GPX4: variants seen among roughly 807,000 people sequenced by gnomAD.
The protein encoded by GPX4 is phospholipid hydroperoxide glutathione peroxidase GPX4.
GPX4 carries 28 observed loss-of-function variants against 27.8 expected under a neutral mutation model. The observed-to-expected ratio is 1.01, with a 90% CI of 0.75 to 1.38. The LOEUF (loss-of-function observed/expected upper bound fraction) is 1.38. GPX4 is among the 40% of genes most tolerant of loss of function. GPX4 has a pLI of 0.00. For missense variants in GPX4, 357 were observed against 274.1 expected (o/e 1.30, Z -2.14); for synonymous variants, 163 against 107.8 (o/e 1.51, Z -3.17).
chr19:1,106,251 G>A lies in GPX4; in HGVS notation c.486G>A (p.Lys162=), dbSNP rs1249650926. The A allele has an allele frequency of 6.2e-7, 1 of 1,606,700 alleles. No individual in the cohort carries two copies. Among genetic ancestry groups the A allele is most frequent in the South Asian group, 1.1e-5 (1 of 90,796 alleles). The change falls in exon 5 of 7, where the codon AAG becomes AAA. Residue 162 remains lysine, a synonymous_variant. Transcript: ENST00000354171. The part of the protein sequence containing the change: ...KGKGILGNAI[K]WNFTKFLIDK... ...TGTGCTTCTTTTCCAGTGCCATCAA[G>A]TGGAACTTCACCAAGGTAAGGGGGC...
In GPX4 at chr19:1,105,437, T is replaced by TCGACCTGCACGCC. The variant is rs761699782; in HGVS notation, c.255_267dup (p.Tyr90ProfsTer?). On this transcript the variant is annotated frameshift_variant, in exon 3 of 7. Coordinates refer to ENST00000354171, the MANE Select transcript of GPX4 (RefSeq NM_002085.5). LOFTEE classifies it high-confidence loss of function. ...ACCGAAGTAAACTACACTCAGCTCG[T>TCGACCTGCACGCC]CGACCTGCACGCCCGATACGCTGAG... The TCGACCTGCACGCC allele has an allele frequency of 2.5e-6, 4 of 1,612,382 alleles. No individual in the cohort carries two copies.
rs745425210 is a variant in GPX4 at position 1,105,813 on chromosome 19, C to G, written c.476+4C>G. ...AGGGCAAGGGCATCCTGGGAAAGTG[C>G]GTGACCTCTGGGGACAGTACGGCTG... On this transcript the variant is annotated splice_donor_region_variant and intron_variant, in intron 4 of 6. Transcript: ENST00000354171. 2.1e-5 allele frequency: 23 copies of G among 1,098,648 alleles called. No individual in the cohort carries two copies. The African/African-American group carries it at 2.8e-4, about 13-fold the overall frequency. 68.1% of individuals were successfully genotyped at this position (1,098,648 alleles called of 1,614,324 possible).
Position 1,106,561 on chromosome 19 carries a change from CA to C in GPX4, c.584del (p.His195ProfsTer?). The C allele has an allele frequency of 6.2e-7, 1 of 1,613,452 alleles. No individual in the cohort carries two copies. The highest frequency in any genetic ancestry group is 8.5e-7 in the Non-Finnish European group (1 of 1,179,864). Reference sequence around the variant, plus strand: ...ACAGGTGATAGAGAAGGACCTGCCCCACTATTTCTAGCTCCACAAGTGTGTG... The same window carrying C: ...ACAGGTGATAGAGAAGGACCTGCCCCCTATTTCTAGCTCCACAAGTGTGTG... ...EPLVIEKDLPHYF is the reference protein window; with the variant it reads ...EPLVIEKDLPXYF On this transcript the variant is annotated frameshift_variant, in exon 7 of 7. Transcript: ENST00000354171. LOFTEE classifies it high-confidence loss of function.
chr19:1,104,118 C>T lies in GPX4; in HGVS notation c.75C>T (p.Ala25=), dbSNP rs1352097470. 2.0e-6 allele frequency: 3 copies of T among 1,495,694 alleles called. No individual in the cohort carries two copies. Among genetic ancestry groups the T allele is most frequent in the African/African-American group, 1.5e-5 (1 of 68,734 alleles). 92.7% of individuals were successfully genotyped at this position (1,495,694 alleles called of 1,614,324 possible). ...LCGALAAPGL[A]GTMCASRDDW... Reference sequence around the variant, plus strand: ...GGGCTCTGGCCGCGCCTGGCCTGGCCGGGACCATGGTGAGCTAGCGCCGCG... The same window carrying T: ...GGGCTCTGGCCGCGCCTGGCCTGGCTGGGACCATGGTGAGCTAGCGCCGCG... Residue 25 remains alanine, a synonymous_variant, in exon 1 of 7, where the codon GCC becomes GCT. Transcript: ENST00000354171.
intron 1 of GPX4, 57 bp from the exon 2 acceptor site, chr19:1,105,127 CAG>C: frequency 6.3e-7 from 1 of 1,590,832 alleles, no homozygotes; most frequent in Non-Finnish European, 8.6e-7. Context: ...CTTCCTGCCT[CAG>C]GGTCCCGGGC....
At chr19:1,105,533 C>T in intron 3 of GPX4, 23 bp downstream of exon 3, 1 of 1,610,814 alleles carries the variant, frequency 6.2e-7, no homozygotes, top group Non-Finnish European at 8.5e-7. Context: ...GTCCCCGGGG[C>T]CCGCAGAGGC....
chr19:1,106,168 C>T (rs778377555), intron 4 of GPX4, 74 bp from the exon 5 acceptor site: 7 of 1,409,952 alleles, frequency 5.0e-6, no homozygotes, highest in African/African-American at 1.4e-5. Context: ...CCCTTGTGGC[C>T]TCCTGGAGAC....
intron 6 of GPX4, 27 bp downstream of exon 6, chr19:1,106,486 G>T (rs373261191): frequency 1.9e-6 from 3 of 1,611,666 alleles, no homozygotes; most frequent in African/African-American, 1.3e-5. Context: ...GAGCCCGCTT[G>T]AGGCTCGGGG....
intron 6 of GPX4, 31 bp from the exon 7 acceptor site, chr19:1,106,509 G>A: frequency 6.2e-7 from 1 of 1,610,468 alleles, no homozygotes; most frequent in Non-Finnish European, 8.5e-7. Context: ...TTGGGAGGTA[G>A]CTGCCCTAAC....
chr19:1,105,667 A>G lies in GPX4; in HGVS notation c.334A>G (p.Ser112Gly), dbSNP rs1322588605. The change falls in exon 4 of 7, where the codon AGT becomes GGT. Residue 112 changes from serine (S) to glycine (G), a missense_variant. Coordinates refer to ENST00000354171, the MANE Select transcript of GPX4 (RefSeq NM_002085.5). Reference protein sequence around the residue: ...CNQFGKQEPGSNEEIKEFAAG... With the variant: ...CNQFGKQEPGGNEEIKEFAAG... ...ACCTTGGCCGCCACAGGAGCCAGGG[A>G]GTAACGAAGAGATCAAAGAGTTCGC... 6.2e-7 allele frequency: 1 copy of G among 1,612,964 alleles called. No individual in the cohort carries two copies. The highest frequency in any genetic ancestry group is 8.5e-7 in the Non-Finnish European group (1 of 1,179,678).
Position 1,105,670 on chromosome 19 carries a change from A to G in GPX4, c.337A>G (p.Asn113Asp), listed in dbSNP as rs1021573468. ...TTGGCCGCCACAGGAGCCAGGGAGTAACGAAGAGATCAAAGAGTTCGCCGC... is the reference window on the plus strand; with the variant it reads ...TTGGCCGCCACAGGAGCCAGGGAGTGACGAAGAGATCAAAGAGTTCGCCGC... ...NQFGKQEPGSNEEIKEFAAGY... is the reference protein window; with the variant it reads ...NQFGKQEPGSDEEIKEFAAGY... Residue 113 changes from asparagine to aspartate, a missense_variant, in exon 4 of 7, where the codon AAC becomes GAC. Coordinates refer to ENST00000354171, the MANE Select transcript of GPX4 (RefSeq NM_002085.5). The G allele has an allele frequency of 6.2e-7, 1 of 1,613,108 alleles. No homozygotes were observed. The highest frequency in any genetic ancestry group is 8.5e-7 in the Non-Finnish European group (1 of 1,179,748).
chr19:1,105,186 T>G lies in GPX4; in HGVS notation c.85T>G (p.Cys29Gly), dbSNP rs751723961. The G allele has an allele frequency of 2.5e-6, 4 of 1,612,886 alleles. No individual in the cohort carries two copies. The South Asian group carries it at 4.4e-5, about 18-fold the overall frequency. Residue 29 changes from cysteine to glycine, a missense_variant and splice_region_variant, in exon 2 of 7, where the codon TGC becomes GGC. Cys to Gly is a radical substitution (Grantham distance 159). Transcript: ENST00000354171. ...LAAPGLAGTM[C>G]ASRDDWRCAR... ...CTGCTCAGCTTCCTTTGCCTTGCAG[T>G]GCGCGTCCCGGGACGACTGGCGCTG...
In GPX4 at chr19:1,104,089, TG is replaced by T; in HGVS notation, c.47del (p.Cys16LeufsTer63). 6.6e-7 allele frequency: 1 copy of T among 1,512,844 alleles called. No individual in the cohort carries two copies. 93.7% of individuals were successfully genotyped at this position (1,512,844 alleles called of 1,614,324 possible). A position where few individuals can be genotyped will look rare whatever the true frequency, so the allele number is the denominator to read the frequency against. ...LCRLLKPALL[C>X]GALAAPGLAG... ...CCGCCTACTGAAGCCGGCGCTGCTC[TG>T]TGGGGCTCTGGCCGCGCCTGGCCTG... On this transcript the variant is annotated frameshift_variant, in exon 1 of 7. Coordinates refer to ENST00000354171, the MANE Select transcript of GPX4 (RefSeq NM_002085.5). LOFTEE classifies it high-confidence loss of function.
At position 1,106,630 on chromosome 19, in the gene GPX4, G is replaced by A. The variant is rs372066966; in HGVS notation, c.*58G>A. ...GCCCACGCCCTTGGAGCCTTCCACC[G>A]GCACTCATGACGGCCTGCCTGCAAA... is the stretch of plus-strand genomic sequence containing the variant. On this transcript the variant is annotated 3_prime_UTR_variant, in exon 7 of 7. Transcript: ENST00000354171. 5.9e-4 allele frequency: 944 copies of A among 1,606,784 alleles called. 6 individuals are homozygous for A. Among genetic ancestry groups the A allele is most frequent in the South Asian group, 3.9e-3 (352 of 90,418 alleles).
chr19:1,105,845 T>TG, intron 4 of GPX4, 36 bp downstream of exon 4: 6 of 91,736 alleles, frequency 6.5e-5, no homozygotes, highest in Admixed American at 2.0e-4. Flanking sequence ...GCTGCTGGGG[T>TG]GGGGGTGGGG....
chr19:1,105,834 G>T (rs369731020), intron 4 of GPX4, 25 bp downstream of exon 4: 2 of 1,491,190 alleles, frequency 1.3e-6, no homozygotes, highest in South Asian at 1.2e-5. Context: ...GGGACAGTAC[G>T]GCTGCTGGGG....
chr19:1,106,506 G>T, intron 6 of GPX4, 34 bp from the exon 7 acceptor site: 1 of 1,611,732 alleles, frequency 6.2e-7, no homozygotes. Flanking sequence ...GGCTTGGGAG[G>T]TAGCTGCCCT....
chr19:1,105,129 G>A, intron 1 of GPX4, 57 bp from the exon 2 acceptor site: 1 of 1,593,282 alleles, frequency 6.3e-7, no homozygotes, highest in East Asian at 2.2e-5. Flanking sequence ...TCCTGCCTCA[G>A]GGTCCCGGGC....
In GPX4 at chr19:1,105,548, G is replaced by C. The variant is rs561850729; in HGVS notation, c.324+38G>C. 9.9e-5 allele frequency: 159 copies of C among 1,607,466 alleles called. 2 individuals carry two copies. The South Asian group carries it at 1.2e-3, about 12-fold the overall frequency. ...GTCCCCGGGGCCCGCAGAGGCGGGTGGGTGGGGGTCGGGGTGGGCTCCAGC... is the reference window on the plus strand; with the variant it reads ...GTCCCCGGGGCCCGCAGAGGCGGGTCGGTGGGGGTCGGGGTGGGCTCCAGC... On this transcript the variant is annotated intron_variant, in intron 3 of 6. Transcript: ENST00000354171.
Sources: allele counts gnomAD v4.1 joint callset, GRCh38; gene constraint gnomAD v4.1.1; transcripts MANE v1.5; gene names NCBI Gene and HGNC (gene_info 2026-07-23, HGNC 2026-07-21).